GABRB1: variants seen among roughly 807,000 people sequenced by gnomAD.
GABRB1 encodes the protein gamma-aminobutyric acid receptor subunit beta-1.
Under a neutral mutation model 51.6 loss-of-function variants are expected in GABRB1, and 17 were observed. The observed-to-expected ratio is 0.33, with a 90% confidence interval of 0.23 to 0.49. The LOEUF (loss-of-function observed/expected upper bound fraction) is 0.49. GABRB1 is among the 20% of genes least tolerant of loss of function. The pLI, the probability that GABRB1 is intolerant of heterozygous loss-of-function variation, is 0.99. For synonymous variants in GABRB1, 247 were observed against 218.9 expected (o/e 1.13, Z -1.14); for missense variants, 410 against 600.6 (o/e 0.68, Z 3.32).
chr4:47,313,161 C>T lies in GABRB1; in HGVS notation c.462-6966C>T, dbSNP rs1483233410. On this transcript the variant is annotated intron_variant, in intron 4 of 8. Coordinates refer to ENST00000295454, the MANE Select transcript of GABRB1 (RefSeq NM_000812.4). ...AATTGGGATTATAATGTAATCCATT[C>T]TAAATGTCTTTGAAAGAAGACAGAT... Among the ~76,000 whole-genome samples, 7 of 152,130 alleles carry T rather than the reference C, an allele frequency of 4.6e-5. No homozygotes were observed. The East Asian group carries it at 1.3e-3, about 29-fold the overall frequency.
intron 5 of GABRB1, among the ~76,000 whole-genome samples, chr4:47,355,755 A>G (rs1726544372): frequency 6.6e-6 from 1 of 152,208 alleles, no homozygotes; most frequent in Admixed American, 6.5e-5. Context: ...CCCTGAGGGA[A>G]CAATAATTCT....
At chr4:47,124,591 G>A (rs1716028563) in intron 3 of GABRB1, among the ~76,000 whole-genome samples, 2 of 152,120 alleles carry the variant, frequency 1.3e-5, no homozygotes, top group African/African-American at 2.4e-5. Context: ...TGCACTACAC[G>A]AAAACAGACA....
intron 4 of GABRB1, among the ~76,000 whole-genome samples, chr4:47,306,832 A>G (rs11929757): frequency 0.29 from 44,146 of 152,032 alleles, 7,226 homozygotes; most frequent in Middle Eastern, 0.41. Flanking sequence ...AATGCTGTAA[A>G]GTAATCCAGT....
intron 4 of GABRB1, among the ~76,000 whole-genome samples, chr4:47,177,306 A>G (rs1157516491): frequency 6.6e-6 from 1 of 152,138 alleles, no homozygotes; most frequent in African/African-American, 2.4e-5. Flanking sequence ...TATAGTTTTA[A>G]GTAATATTTG....
chr4:47,248,630 G>A (rs573236973), intron 4 of GABRB1, among the ~76,000 whole-genome samples: 112 of 152,010 alleles, frequency 7.4e-4, no homozygotes, highest in African/African-American at 2.2e-3. Context: ...GAATCCATCT[G>A]GTCCTAGACT....
chr4:47,027,884 CA>C (rs149975346), upstream of GABRB1, among the ~76,000 whole-genome samples: 3,634 of 151,612 alleles, frequency 0.024, 132 homozygotes, highest in African/African-American at 0.084. Flanking sequence ...ATCAATTGAA[CA>C]GAAGGCAAAT....
At chr4:47,425,566 T>C in intron 8 of GABRB1, 108 bp from the exon 9 acceptor site, 1 of 825,472 alleles carries the variant, frequency 1.2e-6, no homozygotes, top group Non-Finnish European at 2.0e-6. Context: ...GCCAGATGTT[T>C]AGGAACACAG....
At chr4:47,177,887 T>C (rs190545506) in intron 4 of GABRB1, among the ~76,000 whole-genome samples, 1 of 151,868 alleles carries the variant, frequency 6.6e-6, no homozygotes, top group East Asian at 1.9e-4. Flanking sequence ...ACTAGGAATG[T>C]TTGTTAAACT....
intron 5 of GABRB1, among the ~76,000 whole-genome samples, chr4:47,387,010 CCT>C (rs1310280693): frequency 6.6e-6 from 1 of 152,180 alleles, no homozygotes; most frequent in East Asian, 1.9e-4. Flanking sequence ...TGATTAAAGA[CCT>C]GATTCATCCT....
intron 4 of GABRB1, among the ~76,000 whole-genome samples, chr4:47,204,493 C>G (rs923635977): frequency 2.0e-5 from 3 of 152,160 alleles, no homozygotes; most frequent in Non-Finnish European, 1.5e-5. Flanking sequence ...TCCCCCTAAC[C>G]CTAACACTAA....
chr4:47,294,197 C>A lies in GABRB1; in HGVS notation c.462-25930C>A, dbSNP rs7700015. ...GAGCAACGCAGAAGACAGATGATTTCTGCATTTCCATCTGAGGTACTGGGT... is the reference window on the plus strand; with the variant it reads ...GAGCAACGCAGAAGACAGATGATTTATGCATTTCCATCTGAGGTACTGGGT... On this transcript the variant is annotated intron_variant, in intron 4 of 8. Transcript: ENST00000295454. Among the ~76,000 whole-genome samples, 1,272 of 152,298 alleles carry A rather than the reference C, an allele frequency of 8.4e-3. 22 individuals are homozygous for A. Among genetic ancestry groups the A allele is most frequent in the African/African-American group, 0.029 (1,202 of 41,568 alleles).
At chr4:47,214,773 A>T (rs1227268388) in intron 4 of GABRB1, among the ~76,000 whole-genome samples, 1 of 152,160 alleles carries the variant, frequency 6.6e-6, no homozygotes, top group East Asian at 1.9e-4. Context: ...TTCTAAAGCC[A>T]TAAGCCAACA....
chr4:47,032,115 C>T, intron 2 of GABRB1, 110 bp downstream of exon 2: 1 of 683,572 alleles, frequency 1.5e-6, no homozygotes, highest in Non-Finnish European at 2.5e-6. Flanking sequence ...CGTAAGCGTG[C>T]ACTATACCCT....
At chr4:47,286,253 A>G (rs766644089) in intron 4 of GABRB1, among the ~76,000 whole-genome samples, 3 of 152,220 alleles carry the variant, frequency 2.0e-5, no homozygotes, top group Non-Finnish European at 4.4e-5. Flanking sequence ...TGAAGCCTAT[A>G]TAAATGACAC....
chr4:47,266,595 C>A (rs1722652310), intron 4 of GABRB1, among the ~76,000 whole-genome samples: 1 of 152,010 alleles, frequency 6.6e-6, no homozygotes, highest in African/African-American at 2.4e-5. Flanking sequence ...TTTGAGAGTT[C>A]CTCGTGGAAT....
intron 4 of GABRB1, among the ~76,000 whole-genome samples, chr4:47,183,378 A>G (rs1435426170): frequency 7.8e-6 from 1 of 128,912 alleles, no homozygotes; most frequent in African/African-American, 2.9e-5. Context: ...ATATATATAT[A>G]TATTCCACCA....
At position 47,013,070 on chromosome 4, in the gene GABRB1, A is replaced by G. The variant is rs149644941; in HGVS notation, c.-19-18844A>G. On this transcript the variant is annotated intron_variant, in intron 1 of 3. Transcript: ENST00000513567. ...TATACCTTGCTTTTAATTTTTCACT[A>G]CTATAAATTAGAGTGCAATGAACAT... Among the ~76,000 whole-genome samples the G allele has an allele frequency of 2.0e-3, 310 of 152,116 alleles. 2 individuals carry two copies. Among genetic ancestry groups the G allele is most frequent in the Middle Eastern group, 0.01 (3 of 294 alleles).
chr4:47,376,345 C>T (rs553769961), intron 5 of GABRB1, among the ~76,000 whole-genome samples: 1 of 152,242 alleles, frequency 6.6e-6, no homozygotes, highest in African/African-American at 2.4e-5. Context: ...GAGGATCTGG[C>T]GGTTAAGAAG....
chr4:47,274,333 A>G (rs1722990715), intron 4 of GABRB1, among the ~76,000 whole-genome samples: 1 of 152,188 alleles, frequency 6.6e-6, no homozygotes. Flanking sequence ...AGCTGCATTT[A>G]CAATTAGTAA....
Sources: allele counts gnomAD v4.1 joint callset (sites outside exome capture counted in the v4.1 genomes callset), GRCh38; gene constraint gnomAD v4.1.1; transcripts MANE v1.5; gene names NCBI Gene and HGNC (gene_info 2026-07-23, HGNC 2026-07-21).